CHRM2: variants seen among roughly 807,000 people sequenced by gnomAD.
CHRM2 encodes the protein muscarinic acetylcholine receptor M2.
A neutral mutation model predicts 25.0 loss-of-function variants in CHRM2; 8 were observed. The observed-to-expected ratio is 0.32, with a 90% confidence interval of 0.19 to 0.58. The LOEUF is 0.58. Among genes scored for constraint, CHRM2 ranks in the 20% least tolerant of loss-of-function variants. The pLI, the probability that CHRM2 is intolerant of heterozygous loss-of-function variation, is 0.88. For synonymous variants in CHRM2, 202 were observed against 205.7 expected, an observed-to-expected ratio of 0.98 and a Z score of 0.15; for missense variants, 440 against 567.1, an observed-to-expected ratio of 0.78 and a Z score of 2.28.
rs376936651 is a variant in CHRM2 at position 136,909,119 on chromosome 7, C to T, written c.-125+39701C>T. Among the ~76,000 whole-genome samples the T allele has an allele frequency of 8.6e-5, 13 of 151,956 alleles. No homozygotes were observed. In the East Asian group the frequency reaches 2.3e-3, roughly 27 times the overall value. On this transcript the variant is annotated intron_variant, in intron 2 of 3. Transcript: ENST00000680005. ...GATCAGTCAGGGACATACATGAATC[C>T]CACTGGAATTTCATCTCATTGACAT...
chr7:136,902,168 T>C (rs1797250298), intron 2 of CHRM2: 1 of 152,002 alleles, frequency 6.6e-6, no homozygotes, highest in South Asian at 2.1e-4. Flanking sequence ...ACATTGATTC[T>C]GTGATCTTCC....
At position 136,880,046 on chromosome 7, in the gene CHRM2, CT is replaced by C. The variant is rs11373690; in HGVS notation, c.-125+10641del. ...TTCCCGTGGTCCATTCCTCTTGGAT[CT>C]TTTTTTTTTTTTCCACTTCCATTCC... On this transcript the variant is annotated intron_variant, in intron 2 of 3. Coordinates refer to ENST00000680005, the MANE Select transcript of CHRM2 (RefSeq NM_001006630.2). Among the ~76,000 whole-genome samples, 1,437 of 144,644 alleles carry C rather than the reference CT, an allele frequency of 9.9e-3. 24 individuals are homozygous for C. Among genetic ancestry groups the C allele is most frequent in the African/African-American group, 0.031 (1,240 of 39,544 alleles). 94.9% of individuals were successfully genotyped at this position (144,644 alleles called of 152,430 possible). A position where few individuals can be genotyped will look rare whatever the true frequency, so the allele number is the denominator to read the frequency against.
At chr7:136,965,715 A>T (rs931543708) in intron 2 of CHRM2, among the ~76,000 whole-genome samples, 4 of 152,074 alleles carry the variant, frequency 2.6e-5, no homozygotes, top group African/African-American at 9.7e-5. Flanking sequence ...AGTCCTCTAA[A>T]ATCAGCCTCC....
intron 3 of CHRM2, among the ~76,000 whole-genome samples, chr7:137,002,157 G>A (rs1454114841): frequency 6.6e-6 from 1 of 152,052 alleles, no homozygotes; most frequent in Non-Finnish European, 1.5e-5. Flanking sequence ...GTTTTGTTTT[G>A]TTTGTTTTTT....
intron 2 of CHRM2, among the ~76,000 whole-genome samples, chr7:136,946,685 C>G (rs1800093074): frequency 6.6e-6 from 1 of 152,122 alleles, no homozygotes; most frequent in Non-Finnish European, 1.5e-5. Flanking sequence ...AAACTTCCTA[C>G]AAGTAGAATA....
rs575700959 is a variant in CHRM2, at chr7:136,938,779, A to G, written c.-124-53408A>G. 7.9e-5 allele frequency among the ~76,000 whole-genome samples: 12 copies of G among 152,076 alleles called. No individual in the cohort carries two copies. In the East Asian group the frequency reaches 1.6e-3, roughly 20 times the overall value. On this transcript the variant is annotated intron_variant, in intron 2 of 3. Coordinates refer to ENST00000680005, the MANE Select transcript of CHRM2 (RefSeq NM_001006630.2). ...CATGCAGTGTAGCACTGGGAACAGG[A>G]GACCCACCTGAAGCTCAGCCCTAGC...
chr7:137,018,564 T>C lies in CHRM2; in HGVS notation c.*2298T>C, dbSNP rs1003330039. ...GTATTATTATTATGTAGATTTGGCTTCAGTTGGGAAGAACCCTTTGGCATC... is the reference window on the plus strand; with the variant it reads ...GTATTATTATTATGTAGATTTGGCTCCAGTTGGGAAGAACCCTTTGGCATC... On this transcript the variant is annotated 3_prime_UTR_variant, in exon 4 of 4. Coordinates refer to ENST00000680005, the MANE Select transcript of CHRM2 (RefSeq NM_001006630.2). 6.6e-6 allele frequency: 1 copy of C among 151,910 alleles called. No homozygotes were observed. Among genetic ancestry groups the C allele is most frequent in the Non-Finnish European group, 1.5e-5 (1 of 67,900 alleles). 9.4% of individuals were successfully genotyped at this position (151,910 alleles called of 1,614,324 possible).
chr7:136,985,347 T>TA (rs1563108252), intron 2 of CHRM2, among the ~76,000 whole-genome samples: 1 of 151,656 alleles, frequency 6.6e-6, no homozygotes, highest in African/African-American at 2.4e-5. Context: ...CCGTCTCTAC[T>TA]AAAAATACAA....
rs1343063990 is a variant in CHRM2, at chr7:137,016,139, G to A, written c.1274G>A (p.Gly425Asp). Reference protein sequence around the residue: ...PCIPNTVWTIGYWLCYINSTI... With the variant: ...PCIPNTVWTIDYWLCYINSTI... ...ATCCCCAACACTGTGTGGACAATTG[G>A]TTACTGGCTTTGTTACATCAACAGC... Residue 425 changes from glycine (G) to aspartate (D), a missense_variant, in exon 4 of 4, where the codon GGT becomes GAT. Around this residue, in one of 5 missense-constraint regions of CHRM2, gnomAD observed 65 missense variants for 108.9 expected, o/e 0.60. Coordinates refer to ENST00000680005, the MANE Select transcript of CHRM2 (RefSeq NM_001006630.2). 1 of 1,612,868 alleles carries A rather than the reference G, an allele frequency of 6.2e-7. No individual in the cohort carries two copies.
chr7:137,006,096 C>T (rs1244087448), intron 3 of CHRM2, among the ~76,000 whole-genome samples: 1 of 152,046 alleles, frequency 6.6e-6, no homozygotes, highest in Non-Finnish European at 1.5e-5. Context: ...TAGTCAGCAC[C>T]ATTTACTAGA....
chr7:136,872,111 T>C (rs1374524406), intron 2 of CHRM2: 5 of 152,168 alleles, frequency 3.3e-5, no homozygotes, highest in Non-Finnish European at 5.9e-5. Flanking sequence ...GGGGTGGGAA[T>C]GGGGGAAAGT....
intron 3 of CHRM2, among the ~76,000 whole-genome samples, chr7:136,995,850 T>A (rs1156721716): frequency 5.9e-5 from 9 of 151,708 alleles, no homozygotes; most frequent in Admixed American, 5.9e-4. Flanking sequence ...GTCATATAAA[T>A]TAGCATGAAA....
At position 137,015,546 on chromosome 7, in the gene CHRM2, C is replaced by G; in HGVS notation, c.681C>G (p.Asn227Lys). ...AGGACAAGAAGGAGCCTGTTGCCAACCAAGACCCCGTTTCTCCAAGTCTGG... is the reference window on the plus strand; with the variant it reads ...AGGACAAGAAGGAGCCTGTTGCCAAGCAAGACCCCGTTTCTCCAAGTCTGG... The part of the protein sequence containing the change: ...IKKDKKEPVA[N>K]QDPVSPSLVQ... Residue 227 changes from asparagine to lysine, a missense_variant, in exon 4 of 4, where the codon AAC becomes AAG. Physicochemically the swap from Asn to Lys is moderately conservative, Grantham distance 94 (BLOSUM62 0). This residue lies in a region of CHRM2 where 261 missense variants were observed against 261.8 expected (regional missense o/e 1.00). Transcript: ENST00000680005. The surrounding 1 kb of genome is among the most constrained non-coding windows in gnomAD (Gnocchi z 5.1). 1 of 1,612,928 alleles carries G rather than the reference C, an allele frequency of 6.2e-7. No individual in the cohort carries two copies. The highest frequency in any genetic ancestry group is 1.1e-5 in the South Asian group (1 of 91,056).
intron 2 of CHRM2, among the ~76,000 whole-genome samples, chr7:136,939,784 A>C (rs1052869822): frequency 6.6e-6 from 1 of 152,240 alleles, no homozygotes; most frequent in African/African-American, 2.4e-5. Flanking sequence ...ATAAAAATGG[A>C]CATTTGATGA....
At position 137,015,591 on chromosome 7, in the gene CHRM2, G is replaced by A; in HGVS notation, c.726G>A (p.Lys242=). ...GTCTGGTACAAGGAAGGATAGTGAA[G>A]CCAAACAATAACAACATGCCCAGCA... ...SPSLVQGRIV[K]PNNNNMPSSD... The change falls in exon 4 of 4, where the codon AAG becomes AAA. Residue 242 remains lysine (K), a synonymous_variant. Transcript: ENST00000680005. The surrounding 1 kb of genome is among the most constrained non-coding windows in gnomAD (Gnocchi z 5.1). 6.2e-7 allele frequency: 1 copy of A among 1,612,948 alleles called. No individual in the cohort carries two copies.
chr7:136,958,615 C>G (rs763953470), intron 2 of CHRM2, among the ~76,000 whole-genome samples: 1 of 151,826 alleles, frequency 6.6e-6, no homozygotes, highest in East Asian at 1.9e-4. Context: ...TGCTACCATG[C>G]CCAGGTAATT....
At chr7:136,872,190 C>A (rs142533557) in intron 2 of CHRM2, among the ~76,000 whole-genome samples, 13 of 152,070 alleles carry the variant, frequency 8.5e-5, no homozygotes, top group African/African-American at 3.1e-4. Flanking sequence ...AATAAAGAGG[C>A]ATGTTTGTTT....
At chr7:136,984,339 C>A (rs368213469) in intron 2 of CHRM2, among the ~76,000 whole-genome samples, 1 of 152,124 alleles carries the variant, frequency 6.6e-6, no homozygotes, top group African/African-American at 2.4e-5. Context: ...GTGCTGGCAG[C>A]GAGAATTTCA....
intron 2 of CHRM2, among the ~76,000 whole-genome samples, chr7:136,897,391 T>G (rs1490674214): frequency 6.6e-6 from 1 of 152,096 alleles, no homozygotes; most frequent in Non-Finnish European, 1.5e-5. Context: ...CATATATACA[T>G]TTAAAAATAA....
Sources: gnomAD v4.1 joint callset for allele counts (sites outside exome capture counted in the v4.1 genomes callset) on GRCh38, gnomAD v4.1.1 for gene constraint, gnomAD v4.1.1 regional missense constraint, Gnocchi (gnomAD v3.1) non-coding constraint, MANE v1.5 for transcripts, NCBI Gene and HGNC (gene_info 2026-07-23, HGNC 2026-07-21) for gene names.